Variants in SEMA4F observed in about 807,000 individuals in gnomAD.
SEMA4F encodes ssemaphorin 4F.
In SEMA4F, 51 loss-of-function variants were observed where a neutral mutation model predicts 78.4. The ratio of observed to expected loss-of-function variants is 0.65; its 90% CI spans 0.52 to 0.82. The LOEUF (loss-of-function observed/expected upper bound fraction) is 0.82. SEMA4F is among the 40% of genes least tolerant of loss of function. SEMA4F has a pLI of 0.00. For missense variants in SEMA4F, 938 were observed against 1,014.4 expected (o/e 0.92, Z 1.02); for synonymous variants, 418 against 408.7 (o/e 1.02, Z -0.27).
Position 74,679,637 on chromosome 2 carries a change from G to A in SEMA4F, c.1741G>A (p.Ala581Thr), listed in dbSNP as rs777399273. The A allele has an allele frequency of 6.2e-7, 1 of 1,610,060 alleles. No homozygotes were observed. The highest frequency in any genetic ancestry group is 1.7e-5 in the Admixed American group (1 of 59,948). ...GTTTGAAGTTCCCGTGGCTACAGCTGCGCATGTGGTCTTGCCATGTTCTCC... is the reference window on the plus strand; with the variant it reads ...GTTTGAAGTTCCCGTGGCTACAGCTACGCATGTGGTCTTGCCATGTTCTCC... The part of the protein sequence containing the change: ...VVFEVPVATA[A>T]HVVLPCSPSS... The change falls in exon 14 of 14, where the codon GCG becomes ACG. Residue 581 changes from alanine to threonine, a missense_variant. Ala to Thr is a moderately conservative substitution (Grantham distance 58). Coordinates refer to ENST00000357877, the MANE Select transcript of SEMA4F (RefSeq NM_004263.5).
chr2:74,674,469 G>A (rs757918260), intron 7 of SEMA4F, 29 bp from the exon 8 acceptor site: 25 of 1,583,808 alleles, frequency 1.6e-5, no homozygotes, highest in Non-Finnish European at 2.1e-5. Flanking sequence ...ATCATCTAAA[G>A]AGAACCTCCC....
At chr2:74,683,925 T>C (rs1231259893), downstream of SEMA4F, 1 of 152,196 alleles carries the variant, frequency 6.6e-6, no homozygotes, top group East Asian at 1.9e-4. Context: ...GTCTGGAGCA[T>C]ATGCGTGATG....
In SEMA4F at chr2:74,675,578, G is replaced by T; in HGVS notation, c.1426G>T (p.Glu476Ter). Residue 476 changes from glutamate to a stop codon, truncating the protein, a stop_gained, in exon 11 of 14, where the codon GAA becomes TAA. Coordinates refer to ENST00000357877, the MANE Select transcript of SEMA4F (RefSeq NM_004263.5). LOFTEE classifies it high-confidence loss of function. ...VRIGAQLSVLEDLALFPEPQP... is the reference protein window; with the variant it reads ...VRIGAQLSVL ...GATCGGAGCTCAGCTCAGCGTTCTT[G>T]AAGATCTGGCCTTATTCCCAGAGCC... The T allele has an allele frequency of 6.2e-7, 1 of 1,614,202 alleles. No individual in the cohort carries two copies. The highest frequency in any genetic ancestry group is 8.5e-7 in the Non-Finnish European group (1 of 1,180,030).
chr2:74,655,959 C>T (rs1684112382), intron 1 of SEMA4F, among the ~76,000 whole-genome samples: 2 of 151,962 alleles, frequency 1.3e-5, no homozygotes, highest in African/African-American at 4.8e-5. Flanking sequence ...TTCATGCCAA[C>T]TTATTCCAGT....
rs765471314 is a variant in SEMA4F, at chr2:74,675,350, A to C, written c.1338A>C (p.Ser446=). Residue 446 remains serine (S), a synonymous_variant, in exon 10 of 14, where the codon TCA becomes TCC. Transcript: ENST00000357877. ...RVVAHRVTSL[S]GKEYDVLYLG... ...TGGCCCACAGGGTGACCAGCCTCTC[A>C]GGGAAAGAGTATGATGTGCTCTACC... The C allele has an allele frequency of 1.9e-6, 3 of 1,613,884 alleles. No homozygotes were observed. In the Admixed American group the frequency reaches 5.0e-5, roughly 27 times the overall value.
chr2:74,696,878 T>C, the SEMA4F span, among the ~76,000 whole-genome samples: 9 of 152,270 alleles, frequency 5.9e-5, no homozygotes, highest in African/African-American at 2.2e-4. Context: ...GGCTGAATCA[T>C]AGTATATTTA....
Position 74,675,912 on chromosome 2 carries a change from G to A in SEMA4F, c.1643+3G>A, listed in dbSNP as rs376807657. ...GCCCATGCCGGGGAGCACCGAGGGT[G>A]AGTGTAGCTGCCTGGATTTCTTGCT... On this transcript the variant is annotated splice_donor_region_variant and intron_variant, in intron 12 of 13. Coordinates refer to ENST00000357877, the MANE Select transcript of SEMA4F (RefSeq NM_004263.5). 6.2e-6 allele frequency: 10 copies of A among 1,605,634 alleles called. No homozygotes were observed. Among genetic ancestry groups the A allele is most frequent in the Non-Finnish European group, 8.5e-6 (10 of 1,176,078 alleles).
chr2:74,657,691 C>T, intron 3 of SEMA4F, 67 bp downstream of exon 3: 1 of 1,512,668 alleles, frequency 6.6e-7, no homozygotes, highest in South Asian at 1.1e-5. Context: ...GACTCTCAGT[C>T]CCCTGTAATG....
chr2:74,699,353 A>T, the SEMA4F span, among the ~76,000 whole-genome samples: 1 of 152,142 alleles, frequency 6.6e-6, no homozygotes, highest in African/African-American at 2.4e-5. Context: ...TTACTACCAT[A>T]ATCCATCTGA....
chr2:74,695,152 C>G, the SEMA4F span, among the ~76,000 whole-genome samples: 1 of 152,176 alleles, frequency 6.6e-6, no homozygotes, highest in African/African-American at 2.4e-5. Flanking sequence ...GCTGGGATCT[C>G]TGCGTGTCTC....
chr2:74,659,920 G>A (rs1390619835), intron 4 of SEMA4F, among the ~76,000 whole-genome samples: 1 of 152,154 alleles, frequency 6.6e-6, no homozygotes, highest in African/African-American at 2.4e-5. Flanking sequence ...TGGATCTAAG[G>A]GCTCCCACTG....
At chr2:74,697,627 T>G in the SEMA4F span, among the ~76,000 whole-genome samples, 1 of 152,122 alleles carries the variant, frequency 6.6e-6, no homozygotes, top group Non-Finnish European at 1.5e-5. Context: ...TGGGGTTGCC[T>G]CCTGCTGGGG....
intron 5 of SEMA4F, among the ~76,000 whole-genome samples, chr2:74,666,578 C>G (rs1267425977): frequency 1.3e-5 from 2 of 152,104 alleles, no homozygotes; most frequent in East Asian, 3.8e-4. Context: ...TAATATTATA[C>G]ATTTTCATCT....
intron 12 of SEMA4F, among the ~76,000 whole-genome samples, chr2:74,677,766 C>A (rs1385390193): frequency 6.6e-6 from 1 of 152,128 alleles, no homozygotes; most frequent in Non-Finnish European, 1.5e-5. Flanking sequence ...TATTACAAAA[C>A]CCCATGGCTA....
rs138347392 is a variant in SEMA4F, at chr2:74,657,942, C to G, written c.447C>G (p.Cys149Trp). The G allele has an allele frequency of 6.2e-7, 1 of 1,613,748 alleles. No homozygotes were observed. Among genetic ancestry groups the G allele is most frequent in the Non-Finnish European group, 8.5e-7 (1 of 1,179,778 alleles). ...TCGTFAFDPK[C>W]GVIDVSRFQQ... Reference sequence around the variant, plus strand: ...GCACCTTCGCTTTTGATCCGAAGTGCGGGGTTATTGTGAGTGACGGTGTGG... The same window carrying G: ...GCACCTTCGCTTTTGATCCGAAGTGGGGGGTTATTGTGAGTGACGGTGTGG... Residue 149 changes from cysteine (C) to tryptophan (W), a missense_variant, in exon 4 of 14, where the codon TGC becomes TGG. Coordinates refer to ENST00000357877, the MANE Select transcript of SEMA4F (RefSeq NM_004263.5).
rs914253193 is a variant in SEMA4F at position 74,660,037 on chromosome 2, T to TAAC, written c.456+2101_456+2103dup. On this transcript the variant is annotated intron_variant, in intron 4 of 13. Coordinates refer to ENST00000357877, the MANE Select transcript of SEMA4F (RefSeq NM_004263.5). ...TTAACAGAGAAAAATGTTAGACTTC[T>TAAC]AACAACAACAACAACAAACAGCAAC... Among the ~76,000 whole-genome samples, 235 of 152,266 alleles carry TAAC rather than the reference T, an allele frequency of 1.5e-3. 1 individual carries two copies. Among genetic ancestry groups the TAAC allele is most frequent in the African/African-American group, 5.4e-3 (225 of 41,570 alleles).
chr2:74,699,599 G>A, the SEMA4F span, among the ~76,000 whole-genome samples: 19 of 152,274 alleles, frequency 1.2e-4, no homozygotes, highest in Admixed American at 1.0e-3. Context: ...AGGTAGTTGA[G>A]GTCACCTATG....
chr2:74,674,384 T>A, intron 7 of SEMA4F, 114 bp from the exon 8 acceptor site: 1 of 879,798 alleles, frequency 1.1e-6, no homozygotes. Context: ...TATGTATCTG[T>A]CTCCCCATCT....
At position 74,662,715 on chromosome 2, in the gene SEMA4F, C is replaced by T; in HGVS notation, c.457-17C>T. 6.2e-7 allele frequency: 1 copy of T among 1,607,004 alleles called. No individual in the cohort carries two copies. On this transcript the variant is annotated splice_polypyrimidine_tract_variant and intron_variant, in intron 4 of 13. Transcript: ENST00000357877. ...TCCCTATGACCCCTAAACCAATTGCCCCCTTCTGGTCTATAGGATGTGTCC... is the reference window on the plus strand; with the variant it reads ...TCCCTATGACCCCTAAACCAATTGCTCCCTTCTGGTCTATAGGATGTGTCC...
Sources: gnomAD v4.1 joint callset for allele counts (sites outside exome capture counted in the v4.1 genomes callset) on GRCh38, gnomAD v4.1.1 for gene constraint, MANE v1.5 for transcripts, NCBI Gene and HGNC (gene_info 2026-07-23, HGNC 2026-07-21) for gene names.